The following CELF1 variants were observed in gnomAD, a reference collection of about 807,000 sequenced individuals.
CELF1 encodes the protein 50 kDa nuclear polyadenylated RNA-binding protein.
A neutral mutation model predicts 61.8 loss-of-function variants in CELF1; 10 were observed. The observed-to-expected ratio is 0.16, with a 90% CI of 0.10 to 0.27. CELF1 has a LOEUF of 0.27. Among genes scored for constraint, CELF1 ranks in the 10% least tolerant of loss-of-function variants. The pLI is 1.00. For missense variants in CELF1, 380 were observed against 639.1 expected, an observed-to-expected ratio of 0.59 and a Z score of 4.37; for synonymous variants, 236 against 225.1, an observed-to-expected ratio of 1.05 and a Z score of -0.43.
At chr11:47,514,464 T>C (rs1440744727) in intron 1 of CELF1, among the ~76,000 whole-genome samples, 1 of 151,918 alleles carries the variant, frequency 6.6e-6, no homozygotes, top group African/African-American at 2.4e-5. Context: ...TTTCCATGAG[T>C]ATATAAGCAC....
At chr11:47,564,171 C>CA (rs779009192) in intron 2 of CELF1, among the ~76,000 whole-genome samples, 7,617 of 63,036 alleles carry the variant, frequency 0.12, 420 homozygotes, top group East Asian at 0.23. Flanking sequence ...ACTAAAAATA[C>CA]AAAAAAAAAA....
intron 1 of CELF1, among the ~76,000 whole-genome samples, chr11:47,508,664 A>G (rs2094752389): frequency 6.9e-6 from 1 of 145,312 alleles, no homozygotes. Flanking sequence ...GACTTTTTAA[A>G]GGAAACCTCA....
chr11:47,553,907 C>A (rs1310749593), upstream of CELF1, among the ~76,000 whole-genome samples: 2 of 151,722 alleles, frequency 1.3e-5, no homozygotes, highest in Non-Finnish European at 2.9e-5. Context: ...GCAAGCAGTA[C>A]AATTTGTTGT....
At position 47,468,977 on chromosome 11, in the gene CELF1, C is replaced by T. The variant is rs901825761; in HGVS notation, c.*3253G>A. 6.6e-6 allele frequency: 1 copy of T among 152,144 alleles called. No homozygotes were observed. Among genetic ancestry groups the T allele is most frequent in the African/African-American group, 2.4e-5 (1 of 41,416 alleles). The allele number at this position is 152,144 out of a possible 1,614,324, so 9.4% of individuals were successfully genotyped here. A position where few individuals can be genotyped will look rare whatever the true frequency, so the allele number is the denominator to read the frequency against. Reference sequence around the variant, plus strand: ...CAAACAAAGAGAGAGAGAACAGGAACACTCACTGTGTGTACAGCCCTGAAA... The same window carrying T: ...CAAACAAAGAGAGAGAGAACAGGAATACTCACTGTGTGTACAGCCCTGAAA... On this transcript the variant is annotated 3_prime_UTR_variant, in exon 15 of 15. Coordinates refer to ENST00000687097, the MANE Select transcript of CELF1 (RefSeq NM_001376376.1).
intron 1 of CELF1, among the ~76,000 whole-genome samples, chr11:47,519,540 T>C (rs2095757828): frequency 6.6e-6 from 1 of 151,906 alleles, no homozygotes; most frequent in Non-Finnish European, 1.5e-5. Flanking sequence ...ACTTCAATTA[T>C]CATGCTTTCA....
At chr11:47,475,213 T>C in intron 13 of CELF1, 123 bp downstream of exon 13, 1 of 843,724 alleles carries the variant, frequency 1.2e-6, no homozygotes. Flanking sequence ...CACTTGACAC[T>C]GTCAAAGAAA....
At chr11:47,478,003 T>A (rs1446077778) in intron 10 of CELF1, among the ~76,000 whole-genome samples, 1 of 151,792 alleles carries the variant, frequency 6.6e-6, no homozygotes, top group African/African-American at 2.4e-5. Flanking sequence ...GACAACACAG[T>A]TGAAAGGGGA....
chr11:47,490,792 T>C (rs2091057573), intron 3 of CELF1, among the ~76,000 whole-genome samples: 1 of 152,158 alleles, frequency 6.6e-6, no homozygotes, highest in Non-Finnish European at 1.5e-5. Flanking sequence ...TTCTGAATAG[T>C]GTCTGAAGAT....
chr11:47,483,113 A>T (rs2084386513), intron 8 of CELF1, among the ~76,000 whole-genome samples: 1 of 151,716 alleles, frequency 6.6e-6, no homozygotes, highest in South Asian at 2.1e-4. Flanking sequence ...AAAATACAAA[A>T]ATTAACTGGG....
At chr11:47,526,078 C>A (rs529656276) in intron 1 of CELF1, among the ~76,000 whole-genome samples, 1 of 151,740 alleles carries the variant, frequency 6.6e-6, no homozygotes, top group East Asian at 1.9e-4. Context: ...GTCTGTAATC[C>A]CAGCACTTTG....
intron 9 of CELF1, among the ~76,000 whole-genome samples, chr11:47,480,144 A>T (rs973367152): frequency 2.7e-5 from 4 of 150,152 alleles, no homozygotes; most frequent in Non-Finnish European, 5.9e-5. Context: ...GCTGGAGTAC[A>T]ATGGTGATCT....
chr11:47,529,715 G>C (rs547129528), intron 1 of CELF1, among the ~76,000 whole-genome samples: 1 of 152,228 alleles, frequency 6.6e-6, no homozygotes, highest in South Asian at 2.1e-4. Flanking sequence ...CAGCTACTGG[G>C]GAGGCTGAGG....
rs2097183251 is a variant in CELF1 at position 47,552,983 on chromosome 11, A to C, written c.-154+9T>G. On this transcript the variant is annotated intron_variant, in intron 1 of 14. Coordinates refer to ENST00000687097, the MANE Select transcript of CELF1 (RefSeq NM_001376376.1). The stretch of plus-strand genomic sequence containing the variant: ...CCGCGGCCCGTTATCCTGCGGCCGC[A>C]GCACTCACCAGCGGCTGCACCTGAG... 2 of 396,692 alleles carry C rather than the reference A, an allele frequency of 5.0e-6. No individual in the cohort carries two copies. The highest frequency in any genetic ancestry group is 8.9e-6 in the Non-Finnish European group (2 of 225,218). 24.6% of individuals were successfully genotyped at this position (396,692 alleles called of 1,614,324 possible).
upstream of CELF1, among the ~76,000 whole-genome samples, chr11:47,555,774 G>A (rs1412303504): frequency 3.3e-5 from 5 of 152,112 alleles, no homozygotes; most frequent in Admixed American, 3.3e-4. Flanking sequence ...TTGGGAGGCC[G>A]AGGCAGATGG....
At chr11:47,507,869 T>C (rs900382558) in intron 1 of CELF1, among the ~76,000 whole-genome samples, 5 of 152,046 alleles carry the variant, frequency 3.3e-5, no homozygotes, top group South Asian at 2.1e-4. Context: ...AAAGTAGTGA[T>C]AGTTCCAGTA....
At chr11:47,525,642 C>T (rs995932228) in intron 1 of CELF1, among the ~76,000 whole-genome samples, 3 of 152,172 alleles carry the variant, frequency 2.0e-5, no homozygotes, top group Non-Finnish European at 4.4e-5. Flanking sequence ...ATCATAGGGG[C>T]TACAGCACAA....
At chr11:47,505,810 CT>C (rs944734607) in intron 1 of CELF1, among the ~76,000 whole-genome samples, 34 of 150,388 alleles carry the variant, frequency 2.3e-4, no homozygotes, top group Admixed American at 4.7e-4. Flanking sequence ...TAGCAGGCAC[CT>C]GTAATCCCAG....
At position 47,545,619 on chromosome 11, in the gene CELF1, C is replaced by T. The variant is rs570708709; in HGVS notation, c.-154+7373G>A. 4.6e-5 allele frequency among the ~76,000 whole-genome samples: 7 copies of T among 152,236 alleles called. No individual in the cohort carries two copies. The South Asian group carries it at 1.5e-3, about 32-fold the overall frequency. ...TGAAGTCTTACAGCATAAAGTTTGCCTAGCTGCCAGAGACCTTATTTCTAT... is the reference window on the plus strand; with the variant it reads ...TGAAGTCTTACAGCATAAAGTTTGCTTAGCTGCCAGAGACCTTATTTCTAT... On this transcript the variant is annotated intron_variant, in intron 1 of 14. Coordinates refer to ENST00000687097, the MANE Select transcript of CELF1 (RefSeq NM_001376376.1).
upstream of CELF1, among the ~76,000 whole-genome samples, chr11:47,556,930 T>C (rs561317993): frequency 1.3e-5 from 2 of 152,108 alleles, no homozygotes; most frequent in Non-Finnish European, 2.9e-5. Context: ...GACGGAGTCT[T>C]GCTCTGTTGC....
Sources: gnomAD v4.1 joint callset for allele counts (sites outside exome capture counted in the v4.1 genomes callset) on GRCh38, gnomAD v4.1.1 for gene constraint, MANE v1.5 for transcripts, NCBI Gene and HGNC (gene_info 2026-07-23, HGNC 2026-07-21) for gene names.